The following HAUS1 variants were observed in gnomAD, a reference collection of about 807,000 sequenced individuals.
HAUS1 encodes HAUS augmin like complex subunit 1.
In HAUS1, 25 loss-of-function variants were observed where a neutral mutation model predicts 38.6. That is an observed-to-expected ratio of 0.65 (90% CI 0.47 to 0.91). The LOEUF (loss-of-function observed/expected upper bound fraction) is 0.91. HAUS1 is among the 40% of genes least tolerant of loss of function. The probability of loss-of-function intolerance (pLI) is 0.00; values close to 1 mark genes in which losing one functional copy is unlikely to be tolerated. For missense variants in HAUS1, 325 were observed against 328.4 expected (o/e 0.99, Z 0.08); for synonymous variants, 109 against 112.9 (o/e 0.97, Z 0.22).
At chr18:46,123,477 CT>C in intron 6 of HAUS1, 113 bp downstream of exon 6, 1 of 753,514 alleles carries the variant, frequency 1.3e-6, no homozygotes, top group Non-Finnish European at 2.3e-6. Flanking sequence ...ATTTCTTTTC[CT>C]TTACCTTTGT....
intron 2 of HAUS1, among the ~76,000 whole-genome samples, chr18:46,110,854 G>GTTTCAGGTAGT (rs1555697523): frequency 1.4e-5 from 2 of 139,502 alleles, no homozygotes; most frequent in African/African-American, 5.3e-5. Flanking sequence ...GTAACAGGTA[G>GTTTCAGGTAGT]TTTTTTTTTT....
intron 2 of HAUS1, 74 bp downstream of exon 2, chr18:46,105,442 AT>A (rs1911437682): frequency 2.4e-6 from 3 of 1,274,638 alleles, no homozygotes; most frequent in Non-Finnish European, 3.3e-6. Flanking sequence ...AGTATACAGG[AT>A]TAATTTACTG....
intron 8 of HAUS1, chr18:46,126,810 T>C (rs1052216426): frequency 5.3e-5 from 7 of 132,410 alleles, no homozygotes; most frequent in African/African-American, 1.4e-4. Context: ...TTTTTATTTA[T>C]TTATTTATTT....
chr18:46,117,327 C>T (rs951869540), intron 2 of HAUS1, among the ~76,000 whole-genome samples: 2 of 152,230 alleles, frequency 1.3e-5, no homozygotes, highest in Middle Eastern at 3.4e-3. Flanking sequence ...GTGATATGTC[C>T]GTATAATGGA....
At chr18:46,112,336 A>G (rs1176016942) in intron 2 of HAUS1, among the ~76,000 whole-genome samples, 1 of 120,018 alleles carries the variant, frequency 8.3e-6, no homozygotes, top group African/African-American at 3.6e-5. Flanking sequence ...ATGTGTATAT[A>G]TATTCCATAT....
intron 5 of HAUS1, chr18:46,123,084 G>C (rs367567427): frequency 1.4e-4 from 64 of 453,828 alleles, no homozygotes; most frequent in African/African-American, 1.3e-3. Flanking sequence ...GGTGGTGGGC[G>C]CCTGTAGTCC....
chr18:46,106,354 A>G (rs561024104), intron 2 of HAUS1, among the ~76,000 whole-genome samples: 1 of 152,206 alleles, frequency 6.6e-6, no homozygotes, highest in Admixed American at 6.5e-5. Context: ...CTGTAGTTCC[A>G]GCTGCTCGGA....
At chr18:46,124,343 G>T (rs971451249) in intron 6 of HAUS1, among the ~76,000 whole-genome samples, 1 of 151,594 alleles carries the variant, frequency 6.6e-6, no homozygotes, top group Admixed American at 6.6e-5. Flanking sequence ...CTTGAACTCA[G>T]GGGGCGGAGG....
chr18:46,108,305 G>T (rs375458733), intron 2 of HAUS1, among the ~76,000 whole-genome samples: 92 of 114,686 alleles, frequency 8.0e-4, no homozygotes, highest in African/African-American at 3.3e-3. Context: ...ACGGAGTCTT[G>T]CTCTGTCACT....
At chr18:46,110,676 T>C (rs1438157413) in intron 2 of HAUS1, among the ~76,000 whole-genome samples, 3 of 151,918 alleles carry the variant, frequency 2.0e-5, no homozygotes, top group Non-Finnish European at 4.4e-5. Context: ...ATCTTGCTAT[T>C]TTGCCTAGGC....
Position 46,104,454 on chromosome 18 carries a change from GA to G in HAUS1, c.30+15del. On this transcript the variant is annotated intron_variant, in intron 1 of 8. Transcript: ENST00000282058. Reference sequence around the variant, plus strand: ...GAGAGAAACGCAGGTGATGGGGCGGGAATGGGGATCGTTGGCCTCCTGGAAA... The same window carrying G: ...GAGAGAAACGCAGGTGATGGGGCGGGATGGGGATCGTTGGCCTCCTGGAAA... 6.8e-7 allele frequency: 1 copy of G among 1,465,510 alleles called. No individual in the cohort carries two copies. The highest frequency in any genetic ancestry group is 9.1e-7 in the Non-Finnish European group (1 of 1,098,606). The allele number at this position is 1,465,510 out of a possible 1,614,324, so 90.8% of individuals were successfully genotyped here.
At chr18:46,118,385 C>A in intron 3 of HAUS1, 69 bp downstream of exon 3, 2 of 1,443,732 alleles carry the variant, frequency 1.4e-6, no homozygotes, top group Non-Finnish European at 1.9e-6. Flanking sequence ...TTTTTGTTCT[C>A]AGCATAATTC....
intron 1 of HAUS1, among the ~76,000 whole-genome samples, chr18:46,104,691 C>A (rs3744992): frequency 0.23 from 34,527 of 151,974 alleles, 5,098 homozygotes; most frequent in East Asian, 0.41. Context: ...AGCCCGTGTC[C>A]ACAGACTCTG....
In HAUS1 at chr18:46,105,309, G is replaced by A; in HGVS notation, c.146G>A (p.Arg49Lys). 1 of 1,613,698 alleles carries A rather than the reference G, an allele frequency of 6.2e-7. No individual in the cohort carries two copies. Among genetic ancestry groups the A allele is most frequent in the Middle Eastern group, 1.7e-4 (1 of 6,050 alleles). Reference protein sequence around the residue: ...HLSERNRVRDRDVYLVIEDLK... With the variant: ...HLSERNRVRDKDVYLVIEDLK... ...TCAGAACGCAACAGGGTCCGGGACA[G>A]GGATGTCTACCTGGTAATAGAGGAC... is the stretch of plus-strand genomic sequence containing the variant. The change falls in exon 2 of 9, where the codon AGG becomes AAG. Residue 49 changes from arginine to lysine, a missense_variant. Transcript: ENST00000282058.
intron 4 of HAUS1, among the ~76,000 whole-genome samples, chr18:46,120,853 T>C (rs1911919212): frequency 6.6e-6 from 1 of 152,176 alleles, no homozygotes; most frequent in Non-Finnish European, 1.5e-5. Flanking sequence ...CCCAAAATGC[T>C]AGGATTACAG....
intron 5 of HAUS1, 63 bp downstream of exon 5, chr18:46,122,653 C>G (rs1911976574): frequency 4.5e-6 from 7 of 1,572,754 alleles, no homozygotes; most frequent in Non-Finnish European, 5.2e-6. Context: ...ATCATCCTCA[C>G]AGCTAGGCAT....
intron 7 of HAUS1, 21 bp downstream of exon 7, chr18:46,124,914 A>G: frequency 7.5e-7 from 1 of 1,341,818 alleles, no homozygotes; most frequent in Non-Finnish European, 1.1e-6. Context: ...TCGCGAATTA[A>G]AAAACAATTA....
intron 2 of HAUS1, among the ~76,000 whole-genome samples, chr18:46,116,548 A>G (rs910966938): frequency 6.0e-5 from 9 of 149,050 alleles, no homozygotes; most frequent in African/African-American, 2.3e-4. Flanking sequence ...GTGACAGAGC[A>G]AGACCCTGTC....
rs140317645 is a variant in HAUS1, at chr18:46,116,560, C to CA, written c.206-1611dup. On this transcript the variant is annotated intron_variant, in intron 2 of 8. Coordinates refer to ENST00000282058, the MANE Select transcript of HAUS1 (RefSeq NM_138443.4). Reference sequence around the variant, plus strand: ...TGGGTGACAGAGCAAGACCCTGTCCCAAAAAAAAAATAACGACAAAAAAAA... The same window carrying CA: ...TGGGTGACAGAGCAAGACCCTGTCCCAAAAAAAAAAATAACGACAAAAAAAA... Among the ~76,000 whole-genome samples the CA allele has an allele frequency of 1.6e-4, 24 of 146,920 alleles. No individual in the cohort carries two copies. The South Asian group carries it at 2.2e-3, about 13-fold the overall frequency.
Sources: gnomAD v4.1 joint callset for allele counts (sites outside exome capture counted in the v4.1 genomes callset) on GRCh38, gnomAD v4.1.1 for gene constraint, MANE v1.5 for transcripts, NCBI Gene and HGNC (gene_info 2026-07-23, HGNC 2026-07-21) for gene names.